Variants in DOCK9 observed in about 807,000 individuals in gnomAD.
The protein encoded by DOCK9 is dedicator of cytokinesis protein 9.
Under a neutral mutation model 263.3 loss-of-function variants are expected in DOCK9, and 89 were observed. The ratio of observed to expected loss-of-function variants is 0.34; its 90% CI spans 0.28 to 0.40. The LOEUF is 0.40. Ranked by LOEUF, DOCK9 falls within the 10% of genes least tolerant of loss-of-function variation. The pLI, the probability that DOCK9 is intolerant of heterozygous loss-of-function variation, is 1.00. For missense variants in DOCK9, 2,140 were observed against 2,603.4 expected, an observed-to-expected ratio of 0.82 and a Z score of 3.87; for synonymous variants, 976 against 973.1, an observed-to-expected ratio of 1.00 and a Z score of -0.06.
At chr13:98,947,817 T>C (rs1235090918) in intron 2 of DOCK9, among the ~76,000 whole-genome samples, 1 of 152,286 alleles carries the variant, frequency 6.6e-6, no homozygotes, top group African/African-American at 2.4e-5. Context: ...AGAAATATAA[T>C]TTATCCAGAT....
chr13:98,962,973 C>T (rs1021843578), intron 1 of DOCK9, among the ~76,000 whole-genome samples: 1 of 152,168 alleles, frequency 6.6e-6, no homozygotes, highest in African/African-American at 2.4e-5. Context: ...AGAGAGCAGG[C>T]AGGCAGGACA....
At chr13:98,822,338 T>C (rs575049647) in intron 45 of DOCK9, among the ~76,000 whole-genome samples, 49 of 152,344 alleles carry the variant, frequency 3.2e-4, no homozygotes, top group African/African-American at 1.1e-3. Context: ...TCTAACATAA[T>C]AACTATCTCA....
chr13:98,887,689 T>C (rs2138923954), intron 18 of DOCK9, among the ~76,000 whole-genome samples: 1 of 142,764 alleles, frequency 7.0e-6, no homozygotes, highest in South Asian at 2.2e-4. Flanking sequence ...ACCAAAAGAG[T>C]TAAACACACA....
chr13:98,802,774 C>T (rs1198659634), intron 49 of DOCK9, among the ~76,000 whole-genome samples: 1 of 152,104 alleles, frequency 6.6e-6, no homozygotes, highest in Admixed American at 6.5e-5. Context: ...TCCCTTTGAC[C>T]TTTGGAAGGC....
intron 1 of DOCK9, among the ~76,000 whole-genome samples, chr13:98,967,006 CTTCAGACGA>C (rs2059273179): frequency 6.6e-6 from 1 of 152,228 alleles, no homozygotes; most frequent in Non-Finnish European, 1.5e-5. Context: ...TTAACAAGCC[CTTCAGACGA>C]TTCTGGTGCC....
At chr13:98,867,890 A>G (rs775168380) in intron 29 of DOCK9, 38 bp downstream of exon 29, 1 of 1,553,964 alleles carries the variant, frequency 6.4e-7, no homozygotes, top group Non-Finnish European at 8.8e-7. Context: ...GAAAGGCTAC[A>G]TGGTGACTTC....
intron 38 of DOCK9, among the ~76,000 whole-genome samples, chr13:98,843,840 T>A (rs2093304028): frequency 6.6e-6 from 1 of 152,224 alleles, no homozygotes; most frequent in Admixed American, 6.5e-5. Flanking sequence ...CCATTTGCAG[T>A]GGGAAGAGCT....
At chr13:99,025,045 T>A (rs1334529466) in intron 1 of DOCK9, among the ~76,000 whole-genome samples, 2 of 152,210 alleles carry the variant, frequency 1.3e-5, no homozygotes, top group African/African-American at 4.8e-5. Flanking sequence ...CTCTTTTATA[T>A]ACAGCCAGTT....
At chr13:98,925,263 A>G (rs2140163840) in intron 4 of DOCK9, among the ~76,000 whole-genome samples, 1 of 152,344 alleles carries the variant, frequency 6.6e-6, no homozygotes, top group South Asian at 2.1e-4. Flanking sequence ...AACCTTTTAT[A>G]AAAGATAGTC....
intron 13 of DOCK9, among the ~76,000 whole-genome samples, chr13:98,898,680 T>C (rs998588206): frequency 3.3e-5 from 5 of 152,208 alleles, no homozygotes; most frequent in Admixed American, 2.6e-4. Context: ...AATACTAAGC[T>C]TTCACAGCTC....
chr13:99,030,370 A>G (rs1887204588), intron 1 of DOCK9, among the ~76,000 whole-genome samples: 1 of 152,264 alleles, frequency 6.6e-6, no homozygotes, highest in African/African-American at 2.4e-5. Context: ...CTGTACATAT[A>G]TAATTGCATG....
At chr13:98,901,144 G>A (rs1206725394) in intron 13 of DOCK9, among the ~76,000 whole-genome samples, 2 of 152,230 alleles carry the variant, frequency 1.3e-5, no homozygotes, top group African/African-American at 4.8e-5. Context: ...AAGCCTTGGT[G>A]AGCCTCAGTG....
At chr13:98,808,482 T>A (rs908567333) in intron 47 of DOCK9, among the ~76,000 whole-genome samples, 1 of 152,148 alleles carries the variant, frequency 6.6e-6, no homozygotes, top group Non-Finnish European at 1.5e-5. Context: ...GAAAATTTTT[T>A]AAAGTTTCTC....
intron 29 of DOCK9, 83 bp downstream of exon 29, chr13:98,867,845 T>TA (rs550131112): frequency 0.041 from 39,313 of 954,868 alleles, 4 homozygotes; most frequent in Non-Finnish European, 0.044. Flanking sequence ...GGCAGAGCTT[T>TA]AAAAAAAAAA....
intron 4 of DOCK9, among the ~76,000 whole-genome samples, chr13:98,923,872 G>A (rs1053919120): frequency 6.6e-6 from 1 of 152,142 alleles, no homozygotes; most frequent in African/African-American, 2.4e-5. Context: ...CATGGTGACT[G>A]TTGTTAAGGC....
In DOCK9 at chr13:98,829,559, T is replaced by A. The variant is rs1346771977; in HGVS notation, c.4750-37A>T. ...GTGGAAGAGGAAAGGACACATGGCTTCCTCTGTTTGCTGCCTGTCCACAAG... is the reference window on the plus strand; with the variant it reads ...GTGGAAGAGGAAAGGACACATGGCTACCTCTGTTTGCTGCCTGTCCACAAG... On this transcript the variant is annotated intron_variant, in intron 42 of 52. Transcript: ENST00000682017. This position sits in a 1 kb window ranked among gnomAD's most constrained non-coding sequence, Gnocchi z 4.1. The A allele has an allele frequency of 6.3e-7, 1 of 1,593,816 alleles. No homozygotes were observed. The highest frequency in any genetic ancestry group is 1.1e-5 in the South Asian group (1 of 88,258).
chr13:98,905,407 C>G (rs1184217407), intron 9 of DOCK9, among the ~76,000 whole-genome samples: 4 of 152,230 alleles, frequency 2.6e-5, no homozygotes, highest in Non-Finnish European at 5.9e-5. Flanking sequence ...TGGGAGCTGA[C>G]TTGGACTAGG....
At chr13:98,980,738 T>C (rs1876993418), upstream of DOCK9, among the ~76,000 whole-genome samples, 1 of 152,228 alleles carries the variant, frequency 6.6e-6, no homozygotes, top group Non-Finnish European at 1.5e-5. Flanking sequence ...ACCGTGTTGC[T>C]ATCACACATT....
intron 1 of DOCK9, among the ~76,000 whole-genome samples, chr13:99,048,424 T>G (rs1264013640): frequency 6.6e-6 from 1 of 152,234 alleles, no homozygotes; most frequent in African/African-American, 2.4e-5. Flanking sequence ...TTTTGAATAA[T>G]GCATGCTCTG....
Sources: gnomAD v4.1 joint callset for allele counts (sites outside exome capture counted in the v4.1 genomes callset) on GRCh38, gnomAD v4.1.1 for gene constraint, Gnocchi (gnomAD v3.1) non-coding constraint, MANE v1.5 for transcripts, NCBI Gene and HGNC (gene_info 2026-07-23, HGNC 2026-07-21) for gene names.